The following PRKG2 variants were observed in gnomAD, a reference collection of about 807,000 sequenced individuals.
PRKG2 encodes protein kinase cGMP-dependent 2.
In PRKG2, 33 loss-of-function variants were observed where a neutral mutation model predicts 97.2. That is an observed-to-expected ratio of 0.34 (90% CI 0.26 to 0.45). The LOEUF (loss-of-function observed/expected upper bound fraction) is 0.45. Among genes scored for constraint, PRKG2 ranks in the 20% least tolerant of loss-of-function variants. The pLI, the probability that PRKG2 is intolerant of heterozygous loss-of-function variation, is 1.00. For synonymous variants in PRKG2, 330 were observed against 321.8 expected (o/e 1.03, Z -0.27); for missense variants, 638 against 900.0 (o/e 0.71, Z 3.73).
At chr4:81,172,717 T>C (rs1750595590) in intron 3 of PRKG2, among the ~76,000 whole-genome samples, 1 of 152,102 alleles carries the variant, frequency 6.6e-6, no homozygotes, top group African/African-American at 2.4e-5. Flanking sequence ...GATGGGGTAA[T>C]ATCTCCTTTC....
intron 14 of PRKG2, among the ~76,000 whole-genome samples, chr4:81,120,687 T>TTTG (rs551952309): frequency 1.3e-4 from 20 of 152,130 alleles, no homozygotes; most frequent in African/African-American, 4.8e-4. Flanking sequence ...TTCCATGAAA[T>TTTG]TTGTTGTTGT....
At chr4:81,117,729 G>C (rs186812406) in intron 14 of PRKG2, among the ~76,000 whole-genome samples, 8 of 152,290 alleles carry the variant, frequency 5.3e-5, no homozygotes, top group African/African-American at 1.9e-4. Flanking sequence ...GAATGACACA[G>C]AGATTTCCTA....
At chr4:81,121,313 T>A (rs1445488182) in intron 14 of PRKG2, among the ~76,000 whole-genome samples, 1 of 152,154 alleles carries the variant, frequency 6.6e-6, no homozygotes, top group Non-Finnish European at 1.5e-5. Context: ...AATGGCCTCA[T>A]AAAATCAGTT....
At chr4:81,175,266 T>C (rs1264269196) in intron 2 of PRKG2, among the ~76,000 whole-genome samples, 1 of 152,142 alleles carries the variant, frequency 6.6e-6, no homozygotes, top group Non-Finnish European at 1.5e-5. Flanking sequence ...AATGGACACA[T>C]GATTTTTTAG....
chr4:81,109,573 G>A (rs1743695622), intron 15 of PRKG2, among the ~76,000 whole-genome samples: 1 of 147,118 alleles, frequency 6.8e-6, no homozygotes, highest in Non-Finnish European at 1.5e-5. Flanking sequence ...TACTGATCTT[G>A]GACAGGTAGC....
At chr4:81,177,530 C>T (rs556772279) in intron 2 of PRKG2, among the ~76,000 whole-genome samples, 1 of 152,138 alleles carries the variant, frequency 6.6e-6, no homozygotes, top group African/African-American at 2.4e-5. Context: ...ACAGTGAAAC[C>T]CCGTCTCTAC....
At chr4:81,166,406 C>T (rs1402003557) in intron 6 of PRKG2, among the ~76,000 whole-genome samples, 1 of 151,790 alleles carries the variant, frequency 6.6e-6, no homozygotes, top group Non-Finnish European at 1.5e-5. Context: ...TCCATAAAGC[C>T]ATCTGGGTTT....
chr4:81,156,604 C>G (rs1749121159), intron 6 of PRKG2, among the ~76,000 whole-genome samples: 2 of 152,286 alleles, frequency 1.3e-5, no homozygotes, highest in Non-Finnish European at 2.9e-5. Context: ...CAGAACTCTC[C>G]ACCCCAAATC....
chr4:81,114,477 G>T (rs1744302985), intron 14 of PRKG2, among the ~76,000 whole-genome samples: 1 of 152,114 alleles, frequency 6.6e-6, no homozygotes, highest in Non-Finnish European at 1.5e-5. Context: ...GAAGTAGAAG[G>T]TGTTTAAGTG....
chr4:81,188,276 T>C (rs1752081408), intron 2 of PRKG2, among the ~76,000 whole-genome samples: 1 of 150,750 alleles, frequency 6.6e-6, no homozygotes, highest in East Asian at 1.9e-4. Context: ...GAAAAAATGC[T>C]CACCATCACT....
intron 6 of PRKG2, among the ~76,000 whole-genome samples, chr4:81,154,470 C>A (rs1001320632): frequency 6.7e-6 from 1 of 149,578 alleles, no homozygotes; most frequent in African/African-American, 2.6e-5. Flanking sequence ...CCCTGACCCC[C>A]GAGCAGCCTA....
At chr4:81,184,002 TA>T (rs1451704005) in intron 2 of PRKG2, among the ~76,000 whole-genome samples, 1 of 152,102 alleles carries the variant, frequency 6.6e-6, no homozygotes, top group Non-Finnish European at 1.5e-5. Context: ...AGGAAGGGGT[TA>T]ATAGATAAAA....
rs2110052548 is a variant in PRKG2 at position 81,148,900 on chromosome 4, G to A, written c.1138C>T (p.Leu380=). 6.2e-7 allele frequency: 1 copy of A among 1,613,662 alleles called. No individual in the cohort carries two copies. The highest frequency in any genetic ancestry group is 8.5e-7 in the Non-Finnish European group (1 of 1,179,676). The change falls in exon 9 of 19, where the codon CTG becomes TTG. Residue 380 remains leucine, a synonymous_variant. Coordinates refer to ENST00000264399, the MANE Select transcript of PRKG2 (RefSeq NM_006259.3). The stretch of plus-strand genomic sequence containing the variant: ...TATACTCACTCTCGATCTATAACCA[G>A]GCATGCAACATCATTTTCTTCAGCA... The part of the protein sequence containing the change: ...IIAEENDVAC[L]VIDRETFNQT...
At chr4:81,126,267 T>C (rs878985881) in intron 14 of PRKG2, among the ~76,000 whole-genome samples, 3 of 152,212 alleles carry the variant, frequency 2.0e-5, no homozygotes, top group Non-Finnish European at 2.9e-5. Context: ...TTTCTTTATC[T>C]AGTCTATCAC....
At chr4:81,100,543 C>T (rs1226943217) in intron 17 of PRKG2, among the ~76,000 whole-genome samples, 1 of 152,078 alleles carries the variant, frequency 6.6e-6, no homozygotes, top group Non-Finnish European at 1.5e-5. Context: ...CCCTTCCTTA[C>T]ACCTTATACA....
chr4:81,149,056 T>C (rs1748129641), intron 8 of PRKG2, 104 bp from the exon 9 acceptor site: 1 of 1,064,352 alleles, frequency 9.4e-7, no homozygotes, highest in Admixed American at 1.8e-5. Context: ...CACCATCACT[T>C]ACACCTCCCA....
intron 1 of PRKG2, among the ~76,000 whole-genome samples, chr4:81,209,038 G>A (rs1462782580): frequency 2.0e-5 from 3 of 152,202 alleles, no homozygotes; most frequent in Non-Finnish European, 4.4e-5. Context: ...ATACTCTTCT[G>A]CAGTTAGGTA....
chr4:81,205,724 T>C (rs1012779274), intron 1 of PRKG2, among the ~76,000 whole-genome samples: 2 of 152,210 alleles, frequency 1.3e-5, no homozygotes, highest in African/African-American at 4.8e-5. Context: ...AAGTGGAGGA[T>C]CTCCAAAATG....
chr4:81,093,332 C>A (rs992246210), intron 17 of PRKG2, among the ~76,000 whole-genome samples: 4 of 150,060 alleles, frequency 2.7e-5, no homozygotes, highest in Admixed American at 2.0e-4. Context: ...CTTGGCCATC[C>A]AATCTAAAAT....
Sources: allele counts gnomAD v4.1 joint callset (sites outside exome capture counted in the v4.1 genomes callset), GRCh38; gene constraint gnomAD v4.1.1; transcripts MANE v1.5; gene names NCBI Gene and HGNC (gene_info 2026-07-23, HGNC 2026-07-21).